PLXNB2: variants seen among roughly 807,000 people sequenced by gnomAD.
PLXNB2 encodes the protein plexin B2.
A neutral mutation model predicts 202.6 loss-of-function variants in PLXNB2; 85 were observed. The ratio of observed to expected loss-of-function variants is 0.42; its 90% confidence interval spans 0.35 to 0.50. The LOEUF (loss-of-function observed/expected upper bound fraction) is 0.50. Among genes scored for constraint, PLXNB2 ranks in the 20% least tolerant of loss-of-function variants. The pLI is 0.02. For synonymous variants in PLXNB2, 1,239 were observed against 1,137.6 expected (o/e 1.09, Z -1.79); for missense variants, 2,063 against 2,586.2 (o/e 0.80, Z 4.39).
Position 50,278,126 on chromosome 22 carries a change from G to C in PLXNB2, c.4878C>G (p.Leu1626=). 4 of 1,602,708 alleles carry C rather than the reference G, an allele frequency of 2.5e-6. No individual in the cohort carries two copies. The African/African-American group carries it at 4.0e-5, about 16-fold the overall frequency. The part of the protein sequence containing the change: ...AITEIYLTRL[L]SVKGTLQQFV... ...ACCCATGGGGGCCCACCTTGACTGA[G>C]AGCAGCCGCGTCAGGTAGATCTCGG... The change falls in exon 31 of 37, where the codon CTC becomes CTG. Residue 1626 remains leucine, a synonymous_variant. Coordinates refer to ENST00000359337, the MANE Select transcript of PLXNB2 (RefSeq NM_012401.4).
rs373965037 is a variant in PLXNB2 at position 50,300,495 on chromosome 22, C to T, written c.-73-5717G>A. ...CCGGACCCAGGGTCAAGGCCAGACTCACCCGAGGCAAAGGCCGAACGCTCC... is the reference window on the plus strand; with the variant it reads ...CCGGACCCAGGGTCAAGGCCAGACTTACCCGAGGCAAAGGCCGAACGCTCC... On this transcript the variant is annotated intron_variant, in intron 1 of 36. Coordinates refer to ENST00000359337, the MANE Select transcript of PLXNB2 (RefSeq NM_012401.4). Among the ~76,000 whole-genome samples the T allele has an allele frequency of 3.9e-5, 6 of 152,350 alleles. No homozygotes were observed. The East Asian group carries it at 7.7e-4, about 20-fold the overall frequency.
In PLXNB2 at chr22:50,281,926, G is replaced by A. The variant is rs376155074; in HGVS notation, c.3273C>T (p.Tyr1091=). The change falls in exon 20 of 37, where the codon TAC becomes TAT. Residue 1091 remains tyrosine (Y), a synonymous_variant. Transcript: ENST00000359337. ...AGTTCTCAAAGGTGGGGTCAGGCAC[G>A]TACTCGAAGGCCCCGGCCTCTGTTC... ...LLRTEAGAFE[Y]VPDPTFENFT... 125 of 1,613,066 alleles carry A rather than the reference G, an allele frequency of 7.7e-5. No individual in the cohort carries two copies. Among genetic ancestry groups the A allele is most frequent in the East Asian group, 1.1e-4 (5 of 44,872 alleles).
In PLXNB2 at chr22:50,275,877, G is replaced by A. The variant is rs544368857; in HGVS notation, c.5412+12C>T. ...ACCCCACCTGCCCCCGCCCCCGGGG[G>A]CCTGACCCTACCTCGTCATAGTACT... is the stretch of plus-strand genomic sequence containing the variant. On this transcript the variant is annotated intron_variant, in intron 36 of 36. Transcript: ENST00000359337. 4 of 1,612,094 alleles carry A rather than the reference G, an allele frequency of 2.5e-6. No individual in the cohort carries two copies. The South Asian group carries it at 4.4e-5, about 18-fold the overall frequency.
chr22:50,279,559 G>T, intron 27 of PLXNB2, 71 bp downstream of exon 27: 1 of 1,462,976 alleles, frequency 6.8e-7, no homozygotes, highest in Non-Finnish European at 9.5e-7. Context: ...TCCCATCTGT[G>T]GCCAGGGGAT....
At chr22:50,294,629 G>A in intron 2 of PLXNB2, 90 bp downstream of exon 2, 3 of 431,624 alleles carry the variant, frequency 7.0e-6, no homozygotes, top group Non-Finnish European at 9.3e-6. Context: ...ACAGAGCCTT[G>A]CAGACACCAC....
intron 1 of PLXNB2, among the ~76,000 whole-genome samples, chr22:50,307,156 T>G (rs1257833483): frequency 6.6e-6 from 1 of 151,706 alleles, no homozygotes; most frequent in Non-Finnish European, 1.5e-5. Context: ...CCCCGGGAGC[T>G]CGGGCAAATC....
At chr22:50,307,183 T>C (rs1247148274) in intron 1 of PLXNB2, among the ~76,000 whole-genome samples, 2 of 152,060 alleles carry the variant, frequency 1.3e-5, no homozygotes, top group African/African-American at 2.4e-5. Flanking sequence ...CCTGTGCCGC[T>C]GAGCCTGGGG....
chr22:50,306,065 G>A (rs931577366), intron 1 of PLXNB2, among the ~76,000 whole-genome samples: 3 of 152,230 alleles, frequency 2.0e-5, no homozygotes, highest in Non-Finnish European at 4.4e-5. Flanking sequence ...CTCCCACGCT[G>A]CAGCCTCCCG....
At position 50,297,522 on chromosome 22, in the gene PLXNB2, G is replaced by C. The variant is rs564348888; in HGVS notation, c.-73-2744C>G. Among the ~76,000 whole-genome samples, 1 of 152,172 alleles carries C rather than the reference G, an allele frequency of 6.6e-6. No homozygotes were observed. Among genetic ancestry groups the C allele is most frequent in the South Asian group, 2.1e-4 (1 of 4,810 alleles). On this transcript the variant is annotated intron_variant, in intron 1 of 36. Coordinates refer to ENST00000359337, the MANE Select transcript of PLXNB2 (RefSeq NM_012401.4). This position sits in a 1 kb window ranked among gnomAD's most constrained non-coding sequence, Gnocchi z 5.3. ...CATGATCCCTCCACCCTCAGTCTGG[G>C]GCCCTTCCTGGCCCAAGTCTACCTC...
At position 50,289,367 on chromosome 22, in the gene PLXNB2, G is replaced by T; in HGVS notation, c.1068+150C>A. Reference sequence around the variant, plus strand: ...CTGGCGCCAGCGTGAATGGCATTGAGAGATGCGGCACCCACCCACGCAAGC... The same window carrying T: ...CTGGCGCCAGCGTGAATGGCATTGATAGATGCGGCACCCACCCACGCAAGC... On this transcript the variant is annotated intron_variant, in intron 3 of 36. Transcript: ENST00000359337. This position sits in a 1 kb window ranked among gnomAD's most constrained non-coding sequence, Gnocchi z 8.0. 9.2e-7 allele frequency: 1 copy of T among 1,091,644 alleles called. No homozygotes were observed. Among genetic ancestry groups the T allele is most frequent in the Non-Finnish European group, 1.3e-6 (1 of 784,216 alleles). The allele number at this position is 1,091,644 out of a possible 1,614,324, so 67.6% of individuals were successfully genotyped here.
At chr22:50,305,211 A>G (rs2067841748) in intron 1 of PLXNB2, among the ~76,000 whole-genome samples, 1 of 152,196 alleles carries the variant, frequency 6.6e-6, no homozygotes, top group African/African-American at 2.4e-5. Context: ...CACGGTGAGC[A>G]CGGACGACGT....
intron 1 of PLXNB2, among the ~76,000 whole-genome samples, chr22:50,304,138 A>AC (rs2067802883): frequency 6.6e-6 from 1 of 151,892 alleles, no homozygotes; most frequent in Non-Finnish European, 1.5e-5. Flanking sequence ...GCGAAACAGA[A>AC]CCCCCAGCTC....
At chr22:50,301,290 C>T in intron 1 of PLXNB2, 1 of 582,944 alleles carries the variant, frequency 1.7e-6, no homozygotes, top group Non-Finnish European at 2.2e-6. Context: ...GCTGCAGCCC[C>T]CTCTTGCTAC....
Position 50,276,621 on chromosome 22 carries a change from C to G in PLXNB2, c.5337+8G>C. ...GGGCTGTGGGTGCGTCCCTGGTGGT[C>G]TCCTTACCCGGGAAATCTCTGCCAG... On this transcript the variant is annotated splice_region_variant and intron_variant, in intron 35 of 36. Coordinates refer to ENST00000359337, the MANE Select transcript of PLXNB2 (RefSeq NM_012401.4). 1 of 1,610,324 alleles carries G rather than the reference C, an allele frequency of 6.2e-7. No individual in the cohort carries two copies. The highest frequency in any genetic ancestry group is 8.5e-7 in the Non-Finnish European group (1 of 1,176,720).
Position 50,282,296 on chromosome 22 carries a change from T to C in PLXNB2, c.3005A>G (p.Asn1002Ser). 1 of 1,610,472 alleles carries C rather than the reference T, an allele frequency of 6.2e-7. No homozygotes were observed. The highest frequency in any genetic ancestry group is 8.5e-7 in the Non-Finnish European group (1 of 1,178,712). The change falls in exon 19 of 37, where the codon AAC (asparagine) becomes AGC (serine). Residue 1002 changes from asparagine to serine, a missense_variant. Asn to Ser is a conservative substitution (Grantham distance 46). Around this residue, in one of 2 missense-constraint regions of PLXNB2, gnomAD observed 1,303 missense variants for 1,476.8 expected, o/e 0.88. Coordinates refer to ENST00000359337, the MANE Select transcript of PLXNB2 (RefSeq NM_012401.4). ...CAGGCTGAAGCCCTGACCCGTGACG[T>C]TGATGCTGCGGCCACCACTGCGGAG... ...RSFASGGRSI[N>S]VTGQGFSLIQ...
At position 50,276,736 on chromosome 22, in the gene PLXNB2, C is replaced by T. The variant is rs200040101; in HGVS notation, c.5262-32G>A. ...GGGTGGGAGCATCATACAGTGTGGG[C>T]GGCAGGGACCACAAAGGGGGTGGTG... On this transcript the variant is annotated intron_variant, in intron 34 of 36. Transcript: ENST00000359337. The T allele has an allele frequency of 1.1e-4, 181 of 1,603,790 alleles. No individual in the cohort carries two copies. The African/African-American group carries it at 2.0e-3, about 18-fold the overall frequency.
At chr22:50,305,023 C>T (rs1022492789) in intron 1 of PLXNB2, among the ~76,000 whole-genome samples, 1 of 152,232 alleles carries the variant, frequency 6.6e-6, no homozygotes, top group African/African-American at 2.4e-5. Flanking sequence ...ACTCCCAGCT[C>T]AGGGGAAGGC....
chr22:50,276,693 C>G lies in PLXNB2; in HGVS notation c.5273G>C (p.Gly1758Ala). ...YKKMVEDYYK[G>A]IRQMVQVSDQ... ...GCTGACCTGCACCATCTGCCGGATC[C>G]CCTTGTAGTAACTGCAGGGGTGGGA... is the stretch of plus-strand genomic sequence containing the variant. Residue 1758 changes from glycine to alanine, a missense_variant, in exon 35 of 37, where the codon GGG becomes GCG. This residue lies in a region of PLXNB2 where 760 missense variants were observed against 1,109.4 expected (regional missense o/e 0.69). Coordinates refer to ENST00000359337, the MANE Select transcript of PLXNB2 (RefSeq NM_012401.4). 1 of 1,613,722 alleles carries G rather than the reference C, an allele frequency of 6.2e-7. No individual in the cohort carries two copies. The highest frequency in any genetic ancestry group is 8.5e-7 in the Non-Finnish European group (1 of 1,179,806).
In PLXNB2 at chr22:50,282,025, C is replaced by T. The variant is rs1341853236; in HGVS notation, c.3174G>A (p.Pro1058=). 4 of 1,612,926 alleles carry T rather than the reference C, an allele frequency of 2.5e-6. No homozygotes were observed. The highest frequency in any genetic ancestry group is 1.1e-5 in the South Asian group (1 of 91,090). ...AGGCCTCTGGCTCCTCAGGCACAGC[C>T]GGGGACAGGAAGACGACCTTGGTGT... The part of the protein sequence containing the change: ...HNDTKVVFLS[P]AVPEEPEAYN... Residue 1058 remains proline (P), a synonymous_variant, in exon 20 of 37, where the codon CCG becomes CCA. Coordinates refer to ENST00000359337, the MANE Select transcript of PLXNB2 (RefSeq NM_012401.4).
Sources: gnomAD v4.1 joint callset for allele counts (sites outside exome capture counted in the v4.1 genomes callset) on GRCh38, gnomAD v4.1.1 for gene constraint, gnomAD v4.1.1 regional missense constraint, Gnocchi (gnomAD v3.1) non-coding constraint, MANE v1.5 for transcripts, NCBI Gene and HGNC (gene_info 2026-07-23, HGNC 2026-07-21) for gene names.